SLC44A2: variants seen among roughly 807,000 people sequenced by gnomAD.
SLC44A2 encodes choline transporter-like protein 2.
Under a neutral mutation model 90.8 loss-of-function variants are expected in SLC44A2, and 57 were observed. The observed-to-expected ratio is 0.63, with a 90% CI of 0.51 to 0.78. SLC44A2 has a LOEUF of 0.78. Among genes scored for constraint, SLC44A2 ranks in the 30% least tolerant of loss-of-function variants. The pLI is 0.00. For missense variants in SLC44A2, 794 were observed against 919.7 expected (o/e 0.86, Z 1.77); for synonymous variants, 355 against 360.7 (o/e 0.98, Z 0.18).
chr19:10,617,643 C>T (rs535681658), intron 1 of SLC44A2, among the ~76,000 whole-genome samples: 4 of 152,186 alleles, frequency 2.6e-5, no homozygotes, highest in East Asian at 3.9e-4. Flanking sequence ...AAACACCCTC[C>T]ATGGCTCCCA....
chr19:10,621,434 T>TG (rs2066894171), upstream of SLC44A2, among the ~76,000 whole-genome samples: 3 of 142,790 alleles, frequency 2.1e-5, no homozygotes, highest in Admixed American at 6.9e-5. Flanking sequence ...TTTTTTTTTT[T>TG]TTTTTTTGGT....
At chr19:10,625,725 G>A in intron 1 of SLC44A2, 55 bp downstream of exon 1, 1 of 1,228,294 alleles carries the variant, frequency 8.1e-7, no homozygotes, top group Admixed American at 4.1e-5. Context: ...CCCTCGGAGG[G>A]GGCCTTGAGA....
In SLC44A2 at chr19:10,616,947, AG is replaced by A. The variant is rs368619598; in HGVS notation, c.32-9305del. 6.4e-4 allele frequency among the ~76,000 whole-genome samples: 97 copies of A among 151,272 alleles called. 2 individuals are homozygous for A. The East Asian group carries it at 0.017, about 27-fold the overall frequency. ...TTTATTTTTTATTTTTTTGAGATGG[AG>A]TCTTGCTCTGTCGCCCAGGCTGGAG... On this transcript the variant is annotated intron_variant, in intron 1 of 21. Transcript: ENST00000407327.
chr19:10,608,954 CTTTTT>C (rs35684067), intron 1 of SLC44A2, among the ~76,000 whole-genome samples: 1 of 111,190 alleles, frequency 9.0e-6, no homozygotes, highest in African/African-American at 3.1e-5. Context: ...CCCAGCCTAC[CTTTTT>C]TTTTTTTTTT....
At chr19:10,617,014 C>T (rs1343537187) in intron 1 of SLC44A2, among the ~76,000 whole-genome samples, 2 of 152,086 alleles carry the variant, frequency 1.3e-5, no homozygotes, top group Non-Finnish European at 2.9e-5. Context: ...CTCCGCCTCC[C>T]GGGTTCATGC....
intron 4 of SLC44A2, among the ~76,000 whole-genome samples, chr19:10,628,872 A>G (rs1233186327): frequency 6.6e-6 from 1 of 152,046 alleles, no homozygotes; most frequent in East Asian, 1.9e-4. Context: ...TCCCACCCTC[A>G]TGGGGCTATT....
upstream of SLC44A2, chr19:10,625,472 G>A: frequency 1.6e-6 from 2 of 1,217,936 alleles, no homozygotes; most frequent in East Asian, 3.3e-5. Context: ...CTGGGCAGCT[G>A]CCCAGCTCGG....
intron 4 of SLC44A2, among the ~76,000 whole-genome samples, chr19:10,630,254 G>A (rs1034190757): frequency 3.3e-5 from 5 of 152,128 alleles, no homozygotes; most frequent in Non-Finnish European, 7.4e-5. Context: ...AGGAGGATGA[G>A]GTGGAGGATC....
intron 4 of SLC44A2, among the ~76,000 whole-genome samples, chr19:10,630,012 C>T (rs1910557227): frequency 6.6e-6 from 1 of 152,154 alleles, no homozygotes; most frequent in East Asian, 1.9e-4. Flanking sequence ...GCCTTGGCCT[C>T]CAAAAGTGCT....
At chr19:10,642,594 C>G (rs2067128919) in intron 21 of SLC44A2, 143 bp downstream of exon 21, 2 of 820,258 alleles carry the variant, frequency 2.4e-6, no homozygotes, top group South Asian at 1.5e-5. Flanking sequence ...GGGTCCCCAG[C>G]CTGTCTTCCT....
intron 21 of SLC44A2, 52 bp downstream of exon 21, chr19:10,642,503 AC>A: frequency 6.6e-7 from 1 of 1,519,392 alleles, no homozygotes; most frequent in Non-Finnish European, 9.1e-7. Context: ...CCTTCTTTCC[AC>A]TGGGCATCAC....
intron 16 of SLC44A2, 119 bp downstream of exon 16, chr19:10,636,875 C>T (rs1156838417): frequency 9.5e-7 from 1 of 1,053,364 alleles, no homozygotes; most frequent in Non-Finnish European, 1.4e-6. Context: ...TGATGGGTTT[C>T]TGTCTATGAC....
At chr19:10,604,785 G>A (rs1347163611) in intron 1 of SLC44A2, among the ~76,000 whole-genome samples, 1 of 152,148 alleles carries the variant, frequency 6.6e-6, no homozygotes, top group African/African-American at 2.4e-5. Context: ...GGTAGTACTG[G>A]GGACATGGCT....
At chr19:10,602,464 G>C (rs1232577235), upstream of SLC44A2, 53 of 1,116,034 alleles carry the variant, frequency 4.7e-5, no homozygotes, top group Non-Finnish European at 5.4e-5. Context: ...TGCAGCCCGC[G>C]GAGCCTCCCG....
intron 1 of SLC44A2, among the ~76,000 whole-genome samples, chr19:10,607,754 T>A (rs1407068990): frequency 9.4e-5 from 14 of 148,638 alleles, no homozygotes; most frequent in African/African-American, 2.2e-4. Context: ...ATTATTATTT[T>A]TTTTTTTTTG....
At chr19:10,630,913 G>C (rs2066986742) in intron 4 of SLC44A2, 144 bp from the exon 5 acceptor site, 1 of 616,380 alleles carries the variant, frequency 1.6e-6, no homozygotes. Context: ...GCTGAGGCAG[G>C]AGAATTGCTT....
In SLC44A2 at chr19:10,606,473, C is replaced by T. The variant is rs1243454654; in HGVS notation, c.31+3912C>T. Among the ~76,000 whole-genome samples the T allele has an allele frequency of 4.6e-5, 7 of 151,390 alleles. No homozygotes were observed. The East Asian group carries it at 1.4e-3, about 29-fold the overall frequency. On this transcript the variant is annotated intron_variant, in intron 1 of 21. Transcript: ENST00000407327. The stretch of plus-strand genomic sequence containing the variant: ...GGTGGATCACCTGAAGTCAGGAGTT[C>T]GAGACCAGCCTGACCAACATGGCGA...
At chr19:10,616,901 C>A (rs2066859471) in intron 1 of SLC44A2, among the ~76,000 whole-genome samples, 1 of 152,058 alleles carries the variant, frequency 6.6e-6, no homozygotes, top group African/African-American at 2.4e-5. Flanking sequence ...GACCACCACG[C>A]CCAGCTTGTT....
At chr19:10,612,059 T>C (rs979688833) in intron 1 of SLC44A2, among the ~76,000 whole-genome samples, 1 of 152,094 alleles carries the variant, frequency 6.6e-6, no homozygotes, top group Non-Finnish European at 1.5e-5. Flanking sequence ...GTGTGGCATC[T>C]GGATCTTTTT....
Sources: allele counts gnomAD v4.1 joint callset (sites outside exome capture counted in the v4.1 genomes callset), GRCh38; gene constraint gnomAD v4.1.1; transcripts MANE v1.5; gene names NCBI Gene and HGNC (gene_info 2026-07-23, HGNC 2026-07-21).